The following PCID2 variants were observed in gnomAD, a reference collection of about 807,000 sequenced individuals.
The protein encoded by PCID2 is PCI domain containing 2.
PCID2 carries 41 observed loss-of-function variants against 61.3 expected under a neutral mutation model. That is an observed-to-expected ratio of 0.67 (90% CI 0.52 to 0.87). The LOEUF (loss-of-function observed/expected upper bound fraction) is 0.87. Among genes scored for constraint, PCID2 ranks in the 40% least tolerant of loss-of-function variants. PCID2 has a pLI of 0.00. For synonymous variants in PCID2, 187 were observed against 177.8 expected (o/e 1.05, Z -0.41); for missense variants, 392 against 493.4 (o/e 0.79, Z 1.95).
intron 2 of PCID2, 108 bp from the exon 3 acceptor site, chr13:113,198,372 A>G (rs910469884): frequency 1.4e-5 from 10 of 702,198 alleles, no homozygotes; most frequent in Non-Finnish European, 2.2e-5. Context: ...TATGCTTTAC[A>G]GTTCACAGTA....
intron 7 of PCID2, chr13:113,187,384 C>G (rs8000263): frequency 0.017 from 2,603 of 152,372 alleles, 71 homozygotes; most frequent in African/African-American, 0.058. Context: ...GTCCCACTTT[C>G]AGGAACTGCC....
intron 1 of PCID2, among the ~76,000 whole-genome samples, chr13:113,201,521 C>CA (rs905454773): frequency 2.0e-4 from 30 of 152,010 alleles, no homozygotes; most frequent in African/African-American, 7.0e-4. Context: ...ATTATATTTA[C>CA]AAAAAAATTG....
rs1197100895 is a variant in PCID2, at chr13:113,196,172, C to T, written c.308+9G>A. The T allele has an allele frequency of 6.2e-7, 1 of 1,602,400 alleles. No homozygotes were observed. Among genetic ancestry groups the T allele is most frequent in the Non-Finnish European group, 8.5e-7 (1 of 1,170,900 alleles). On this transcript the variant is annotated intron_variant, in intron 5 of 13. Transcript: ENST00000337344. ...ATTTGCTAATTCAGCTGTTTCTGTT[C>T]ACACTTACCAGTTTTCTTCTTTGTG...
At position 113,184,398 on chromosome 13, in the gene PCID2, T is replaced by A; in HGVS notation, c.633A>T (p.Thr211=). 6.2e-7 allele frequency: 1 copy of A among 1,611,952 alleles called. No homozygotes were observed. Among genetic ancestry groups the A allele is most frequent in the Middle Eastern group, 1.7e-4 (1 of 6,058 alleles). Residue 211 remains threonine, a synonymous_variant, in exon 9 of 14, where the codon ACA becomes ACT. Coordinates refer to ENST00000337344, the MANE Select transcript of PCID2 (RefSeq NM_001127202.4). ...KDDYSTAQRV[T]YKYYVGRKAM... ...CCTTGCGTCCAACGTAGTATTTGTA[T>A]GTTACTCTCTGTGCAGTGCTGTAAT... is the stretch of plus-strand genomic sequence containing the variant.
chr13:113,194,384 A>C (rs1282578221), intron 6 of PCID2, among the ~76,000 whole-genome samples: 1 of 152,140 alleles, frequency 6.6e-6, no homozygotes, highest in Non-Finnish European at 1.5e-5. Flanking sequence ...ACAGGAGACA[A>C]AAAGGAAACC....
chr13:113,206,855 CCT>C (rs1247008155), intron 1 of PCID2, among the ~76,000 whole-genome samples: 11 of 152,322 alleles, frequency 7.2e-5, no homozygotes, highest in East Asian at 3.9e-4. Flanking sequence ...GGGCCCAGCC[CCT>C]GTCTACTCTC....
rs200941472 is a variant in PCID2, at chr13:113,184,425, G to A, written c.606C>T (p.Asp202=). 8.7e-6 allele frequency: 14 copies of A among 1,604,888 alleles called. No homozygotes were observed. The highest frequency in any genetic ancestry group is 1.6e-4 in the Middle Eastern group (1 of 6,064). The change falls in exon 9 of 14, where the codon GAC becomes GAT. Residue 202 remains aspartate (D), a synonymous_variant. Coordinates refer to ENST00000337344, the MANE Select transcript of PCID2 (RefSeq NM_001127202.4). The part of the protein sequence containing the change: ...IRAIDSSNLK[D]DYSTAQRVTY... The stretch of plus-strand genomic sequence containing the variant: ...TTACTCTCTGTGCAGTGCTGTAATC[G>A]TCTTTCAGGTTTGAGCTGTCAATTG...
chr13:113,169,564 A>G, the PCID2 span, among the ~76,000 whole-genome samples: 12 of 152,246 alleles, frequency 7.9e-5, no homozygotes, highest in Admixed American at 2.6e-4. Context: ...GGACACAGTT[A>G]GGTTGGAAAT....
At chr13:113,201,874 A>G (rs1284811737) in intron 1 of PCID2, among the ~76,000 whole-genome samples, 1 of 152,052 alleles carries the variant, frequency 6.6e-6, no homozygotes, top group East Asian at 1.9e-4. Context: ...GCAAGCACAA[A>G]GCTTTAGATA....
At chr13:113,203,283 GC>G (rs1293479880) in intron 1 of PCID2, among the ~76,000 whole-genome samples, 3 of 152,196 alleles carry the variant, frequency 2.0e-5, no homozygotes, top group Non-Finnish European at 4.4e-5. Flanking sequence ...CAGCCCTCCT[GC>G]CCCAGTCCAT....
At chr13:113,182,534 T>G (rs890787224) in intron 9 of PCID2, among the ~76,000 whole-genome samples, 2 of 152,202 alleles carry the variant, frequency 1.3e-5, no homozygotes, top group Admixed American at 6.6e-5. Context: ...GGAGTCTTGC[T>G]CTGTCGCCAA....
chr13:113,197,863 A>T (rs556812275), intron 3 of PCID2, among the ~76,000 whole-genome samples: 7 of 152,188 alleles, frequency 4.6e-5, no homozygotes, highest in Non-Finnish European at 7.3e-5. Context: ...GCTTTGCTCA[A>T]CTCTAATTTC....
At chr13:113,195,683 A>T (rs140000841) in intron 5 of PCID2, among the ~76,000 whole-genome samples, 218 of 152,204 alleles carry the variant, frequency 1.4e-3, no homozygotes, top group East Asian at 0.01. Context: ...AAAAAAAGAT[A>T]AAAGGGCGGG....
At chr13:113,176,515 A>C (rs2037189862), downstream of PCID2, among the ~76,000 whole-genome samples, 6 of 152,414 alleles carry the variant, frequency 3.9e-5, 1 homozygote, top group Admixed American at 6.5e-5. Flanking sequence ...TCACCCCAGC[A>C]CTTTGGGAGG....
intron 7 of PCID2, among the ~76,000 whole-genome samples, chr13:113,190,467 T>G (rs2038517246): frequency 6.6e-6 from 1 of 152,118 alleles, no homozygotes; most frequent in Non-Finnish European, 1.5e-5. Context: ...AGGTGATCAG[T>G]GCTGCTTCTT....
the PCID2 span, chr13:113,172,440 G>C: frequency 2.7e-6 from 1 of 370,230 alleles, no homozygotes; most frequent in Non-Finnish European, 5.2e-6. Context: ...CCTGTGCTCA[G>C]GGAATAGCCA....
intron 6 of PCID2, among the ~76,000 whole-genome samples, chr13:113,192,115 C>T (rs868393727): frequency 2.0e-5 from 3 of 151,956 alleles, no homozygotes; most frequent in Admixed American, 6.6e-5. Flanking sequence ...TAAATTAGCC[C>T]GGTATCATGG....
the PCID2 span, chr13:113,171,794 G>A: frequency 1.2e-6 from 2 of 1,613,424 alleles, no homozygotes; most frequent in Non-Finnish European, 1.7e-6. The surrounding 1 kb of genome is among the most constrained non-coding windows in gnomAD (Gnocchi z 5.1). Flanking sequence ...ACGCACCAGG[G>A]GCCTCCTCAG....
intron 9 of PCID2, chr13:113,183,895 G>C (rs1237864992): frequency 2.0e-6 from 2 of 985,346 alleles, no homozygotes; most frequent in Non-Finnish European, 2.4e-6. Flanking sequence ...GTTTAAACGA[G>C]AGCTTTGACA....
Sources: allele counts gnomAD v4.1 joint callset (sites outside exome capture counted in the v4.1 genomes callset), GRCh38; gene constraint gnomAD v4.1.1; non-coding constraint Gnocchi (gnomAD v3.1); transcripts MANE v1.5; gene names NCBI Gene and HGNC (gene_info 2026-07-23, HGNC 2026-07-21).